MEGF11: variants seen among roughly 807,000 people sequenced by gnomAD.
MEGF11 encodes multiple epidermal growth factor-like domains protein 11.
MEGF11 carries 126 observed loss-of-function variants against 146.6 expected under a neutral mutation model. The ratio of observed to expected loss-of-function variants is 0.86; its 90% CI spans 0.74 to 1.00. The LOEUF is 1.00. MEGF11 is among the 50% of genes least tolerant of loss of function. The pLI is 0.00. For missense variants in MEGF11, 1,509 were observed against 1,521.2 expected (o/e 0.99, Z 0.13); for synonymous variants, 532 against 583.4 (o/e 0.91, Z 1.27).
chr15:66,157,617 A>T (rs1389821630), intron 1 of MEGF11, among the ~76,000 whole-genome samples: 1 of 152,174 alleles, frequency 6.6e-6, no homozygotes, highest in Non-Finnish European at 1.5e-5. Flanking sequence ...TTAAGAGGGG[A>T]CATTGTTAGA....
At chr15:65,912,396 C>G in intron 20 of MEGF11, 196 bp from the exon 21 acceptor site, 1 of 370,072 alleles carries the variant, frequency 2.7e-6, no homozygotes, top group Non-Finnish European at 4.8e-6. Flanking sequence ...TTCCCTTACG[C>G]TGGTCCTCCC....
chr15:66,165,610 G>T (rs547529554), intron 1 of MEGF11, among the ~76,000 whole-genome samples: 3 of 152,092 alleles, frequency 2.0e-5, no homozygotes, highest in Non-Finnish European at 4.4e-5. Flanking sequence ...CCCCTTTTGG[G>T]CCTCGCCTCC....
At chr15:65,978,539 T>C (rs1370767309) in intron 7 of MEGF11, among the ~76,000 whole-genome samples, 3 of 152,252 alleles carry the variant, frequency 2.0e-5, no homozygotes, top group Non-Finnish European at 2.9e-5. Flanking sequence ...GCTTCTCACC[T>C]TCCCCCTGTT....
chr15:66,144,975 A>C (rs950889780), intron 1 of MEGF11, among the ~76,000 whole-genome samples: 2 of 152,224 alleles, frequency 1.3e-5, no homozygotes, highest in African/African-American at 4.8e-5. Context: ...TATACAGATT[A>C]GGGGAATGAG....
At chr15:66,127,168 G>A (rs1219081683) in intron 2 of MEGF11, among the ~76,000 whole-genome samples, 1 of 152,266 alleles carries the variant, frequency 6.6e-6, no homozygotes, top group Admixed American at 6.5e-5. Flanking sequence ...GAGTCACACA[G>A]CTTAGAGGTG....
chr15:66,008,443 AC>A (rs1567199810), intron 5 of MEGF11, among the ~76,000 whole-genome samples: 4 of 151,130 alleles, frequency 2.6e-5, no homozygotes, highest in African/African-American at 9.8e-5. Context: ...ACACACACAC[AC>A]ACACACAAAA....
chr15:66,176,208 G>A (rs192219026), intron 1 of MEGF11, among the ~76,000 whole-genome samples: 6 of 152,322 alleles, frequency 3.9e-5, no homozygotes, highest in Admixed American at 3.3e-4. Context: ...AGCTGTGGGT[G>A]GGAATGTAAA....
chr15:65,944,865 ATCCCCAAC>A (rs1405748208), intron 10 of MEGF11, among the ~76,000 whole-genome samples: 1 of 149,926 alleles, frequency 6.7e-6, no homozygotes, highest in Admixed American at 6.6e-5. Context: ...GTCCATCCGC[ATCCCCAAC>A]TCCCCAACTC....
intron 1 of MEGF11, among the ~76,000 whole-genome samples, chr15:66,182,288 G>T (rs1416469028): frequency 6.6e-6 from 1 of 152,178 alleles, no homozygotes; most frequent in East Asian, 1.9e-4. Flanking sequence ...GCCACTTGTA[G>T]GTGCCACAGG....
intron 1 of MEGF11, among the ~76,000 whole-genome samples, chr15:66,208,653 G>A (rs1350228018): frequency 1.3e-5 from 2 of 151,904 alleles, no homozygotes; most frequent in African/African-American, 2.4e-5. Flanking sequence ...AGGTCAAGGT[G>A]GGCAGATCAC....
intron 10 of MEGF11, among the ~76,000 whole-genome samples, chr15:65,943,091 A>G (rs1463956236): frequency 7.1e-6 from 1 of 141,264 alleles, no homozygotes; most frequent in Non-Finnish European, 1.5e-5. Context: ...GGTTCAAGCG[A>G]TTCTCCTGCC....
intron 8 of MEGF11, chr15:65,965,378 C>A: frequency 4.8e-6 from 2 of 420,264 alleles, no homozygotes; most frequent in Non-Finnish European, 8.4e-6. Context: ...TTTATTGATT[C>A]CAAGCCTAAT....
rs138848898 is a variant in MEGF11, at chr15:66,103,657, G to T, written c.302-9163C>A. On this transcript the variant is annotated intron_variant, in intron 4 of 25. Coordinates refer to ENST00000395614, the MANE Select transcript of MEGF11 (RefSeq NM_001385028.1). Reference sequence around the variant, plus strand: ...ATTTCTACTGCCAGCCGGTCAAGGTGGGGGTGGTCAGGGGCTGGTGAGGAC... The same window carrying T: ...ATTTCTACTGCCAGCCGGTCAAGGTTGGGGTGGTCAGGGGCTGGTGAGGAC... 2.6e-5 allele frequency among the ~76,000 whole-genome samples: 4 copies of T among 152,312 alleles called. No homozygotes were observed. In the East Asian group the frequency reaches 5.8e-4, roughly 22 times the overall value.
chr15:65,908,924 G>T, intron 23 of MEGF11, 110 bp downstream of exon 23: 1 of 656,198 alleles, frequency 1.5e-6, no homozygotes, highest in Non-Finnish European at 2.7e-6. Context: ...GGGCTTAAAA[G>T]GGAGAGTTCT....
chr15:66,211,118 C>T (rs1409841092), intron 1 of MEGF11, among the ~76,000 whole-genome samples: 1 of 152,202 alleles, frequency 6.6e-6, no homozygotes, highest in Non-Finnish European at 1.5e-5. Context: ...AACCTCCAGG[C>T]ACCTCCTCTC....
In MEGF11 at chr15:65,981,578, G is replaced by C. The variant is rs1567188236; in HGVS notation, c.641+664C>G. 2.0e-5 allele frequency among the ~76,000 whole-genome samples: 3 copies of C among 152,152 alleles called. No homozygotes were observed. In the South Asian group the frequency reaches 6.2e-4, roughly 32 times the overall value. ...GTCAGAGTCCTTGGCCACCCCTCAG[G>C]ATCTAGGCTGTTGGAGAGGCCACAG... On this transcript the variant is annotated intron_variant, in intron 6 of 25. Coordinates refer to ENST00000395614, the MANE Select transcript of MEGF11 (RefSeq NM_001385028.1).
intron 5 of MEGF11, among the ~76,000 whole-genome samples, chr15:66,093,894 G>A (rs2086424521): frequency 6.6e-6 from 1 of 152,076 alleles, no homozygotes; most frequent in Non-Finnish European, 1.5e-5. Context: ...AAAAATGTAG[G>A]AACACAAGGA....
chr15:65,986,224 A>G (rs1452892501), intron 5 of MEGF11, among the ~76,000 whole-genome samples: 2 of 152,114 alleles, frequency 1.3e-5, no homozygotes, highest in African/African-American at 4.8e-5. Flanking sequence ...AAGTGCTGAG[A>G]TTGTGGCTCA....
At chr15:65,962,549 C>CA (rs1341751157) in intron 9 of MEGF11, among the ~76,000 whole-genome samples, 7 of 151,428 alleles carry the variant, frequency 4.6e-5, no homozygotes, top group Non-Finnish European at 8.8e-5. Flanking sequence ...TTCAACTGAA[C>CA]AAAAACTTTG....
Sources: gnomAD v4.1 joint callset for allele counts (sites outside exome capture counted in the v4.1 genomes callset) on GRCh38, gnomAD v4.1.1 for gene constraint, MANE v1.5 for transcripts, NCBI Gene and HGNC (gene_info 2026-07-23, HGNC 2026-07-21) for gene names.